The following MGMT variants were observed in gnomAD, a reference collection of about 807,000 sequenced individuals.
The protein encoded by MGMT is O-6-methylguanine-DNA methyltransferase.
Under a neutral mutation model 15.9 loss-of-function variants are expected in MGMT, and 14 were observed. The ratio of observed to expected loss-of-function variants is 0.88; its 90% CI spans 0.58 to 1.37. The LOEUF (loss-of-function observed/expected upper bound fraction) is 1.37. Ranked by LOEUF, MGMT falls within the 40% of genes most tolerant of loss-of-function variation. The pLI is 0.00. For missense variants in MGMT, 282 were observed against 268.1 expected (o/e 1.05, Z -0.36); for synonymous variants, 130 against 118.2 (o/e 1.10, Z -0.65).
intron 1 of MGMT, among the ~76,000 whole-genome samples, chr10:129,469,865 C>T (rs2119609218): frequency 6.6e-6 from 1 of 152,172 alleles, no homozygotes; most frequent in Non-Finnish European, 1.5e-5. Flanking sequence ...CGCCACCATA[C>T]CTGGCTAATT....
At chr10:129,757,524 T>C (rs1848821260) in intron 3 of MGMT, among the ~76,000 whole-genome samples, 1 of 152,250 alleles carries the variant, frequency 6.6e-6, no homozygotes, top group African/African-American at 2.4e-5. Context: ...GAAATTGGCC[T>C]CTGCTTCTTG....
chr10:129,588,394 C>G (rs1271825663), intron 2 of MGMT, among the ~76,000 whole-genome samples: 1 of 152,226 alleles, frequency 6.6e-6, no homozygotes, highest in Non-Finnish European at 1.5e-5. Flanking sequence ...ATTTGTTATG[C>G]AGCAGTAAGA....
rs1415379626 is a variant in MGMT at position 129,532,408 on chromosome 10, G to T, written c.-12-3833G>T. Among the ~76,000 whole-genome samples the T allele has an allele frequency of 6.6e-6, 1 of 152,196 alleles. No homozygotes were observed. ...GCATTCCCAACCGCTGGCCTCCCAA[G>T]TTTGGCTTCTTGTGGTCAGGGCCCA... On this transcript the variant is annotated intron_variant, in intron 1 of 4. Coordinates refer to ENST00000651593, the MANE Select transcript of MGMT (RefSeq NM_002412.5). The surrounding 1 kb of genome is among the most constrained non-coding windows in gnomAD (Gnocchi z 5.3).
chr10:129,624,805 G>A (rs1443428944), intron 2 of MGMT, among the ~76,000 whole-genome samples: 1 of 152,192 alleles, frequency 6.6e-6, no homozygotes, highest in Admixed American at 6.5e-5. Flanking sequence ...GACTAAGGCG[G>A]CACACCTTAA....
chr10:129,667,091 T>G lies in MGMT; in HGVS notation c.126-40804T>G, dbSNP rs1009937255. Among the ~76,000 whole-genome samples, 3 of 152,218 alleles carry G rather than the reference T, an allele frequency of 2.0e-5. No homozygotes were observed. The South Asian group carries it at 6.2e-4, about 32-fold the overall frequency. On this transcript the variant is annotated intron_variant, in intron 2 of 4. Coordinates refer to ENST00000651593, the MANE Select transcript of MGMT (RefSeq NM_002412.5). ...ACCCATTGTTTCTAACCATTTTTGT[T>G]ATAAAGATAATACACACAGAGAGAA...
rs970702001 is a variant in MGMT, at chr10:129,498,010, G to A, written c.-13+30714G>A. 2.0e-5 allele frequency among the ~76,000 whole-genome samples: 3 copies of A among 152,362 alleles called. No homozygotes were observed. In the South Asian group the frequency reaches 6.2e-4, roughly 32 times the overall value. On this transcript the variant is annotated intron_variant, in intron 1 of 4. Coordinates refer to ENST00000651593, the MANE Select transcript of MGMT (RefSeq NM_002412.5). ...TCCAGCAACCAGAAGGAACTAAGAC[G>A]TCTAACTTGTGACAGTTCCTCTTGC...
intron 2 of MGMT, among the ~76,000 whole-genome samples, chr10:129,636,343 T>A (rs1320462647): frequency 1.3e-5 from 2 of 152,098 alleles, no homozygotes; most frequent in Non-Finnish European, 2.9e-5. Flanking sequence ...AGCACAGAGG[T>A]TAGTATTCAG....
At chr10:129,537,931 C>A (rs1042976781) in intron 2 of MGMT, among the ~76,000 whole-genome samples, 1 of 152,098 alleles carries the variant, frequency 6.6e-6, no homozygotes, top group African/African-American at 2.4e-5. Context: ...TGCTTCAAGA[C>A]AGCTCCTGGG....
chr10:129,660,972 C>G (rs148330891), intron 2 of MGMT, among the ~76,000 whole-genome samples: 1 of 152,246 alleles, frequency 6.6e-6, no homozygotes, highest in East Asian at 1.9e-4. Context: ...GCCGTAAAAT[C>G]CTCTTTCCAG....
At chr10:129,759,382 G>A (rs2308323) in intron 4 of MGMT, 41 bp downstream of exon 4, 3 of 1,612,926 alleles carry the variant, frequency 1.9e-6, no homozygotes, top group Non-Finnish European at 2.5e-6. Flanking sequence ...GGTGGCGGGT[G>A]CGTGCAGGTG....
rs371870612 is a variant in MGMT, at chr10:129,517,800, A to G, written c.-12-18441A>G. On this transcript the variant is annotated intron_variant, in intron 1 of 4. Transcript: ENST00000651593. Reference sequence around the variant, plus strand: ...CAAACCCTCACTGTGACCCCACGGGAAAGCATATTCCCAAATGTAACTGCG... The same window carrying G: ...CAAACCCTCACTGTGACCCCACGGGGAAGCATATTCCCAAATGTAACTGCG... 6.6e-5 allele frequency among the ~76,000 whole-genome samples: 10 copies of G among 150,452 alleles called. No individual in the cohort carries two copies. In the East Asian group the frequency reaches 1.2e-3, roughly 18 times the overall value.
At chr10:129,604,280 A>G (rs1428980561) in intron 2 of MGMT, among the ~76,000 whole-genome samples, 1 of 152,208 alleles carries the variant, frequency 6.6e-6, no homozygotes, top group Middle Eastern at 3.2e-3. Context: ...ATTGTAGTTT[A>G]CATTTCCCAA....
intron 2 of MGMT, among the ~76,000 whole-genome samples, chr10:129,554,076 C>T (rs112778264): frequency 0.045 from 6,906 of 152,270 alleles, 219 homozygotes; most frequent in Middle Eastern, 0.078. Flanking sequence ...TGAAAGGTGG[C>T]GTGCTGCCAA....
rs570377384 is a variant in MGMT at position 129,473,207 on chromosome 10, G to A, written c.-13+5911G>A. Among the ~76,000 whole-genome samples the A allele has an allele frequency of 4.0e-4, 61 of 152,350 alleles. 1 individual carries two copies. Among genetic ancestry groups the A allele is most frequent in the African/African-American group, 1.3e-3 (56 of 41,586 alleles). ...CAGTATTTTCCCATGTGTGACGGCC[G>A]TTTAGATCACAGCAGTGAGGGGTAA... On this transcript the variant is annotated intron_variant, in intron 1 of 4. Transcript: ENST00000651593.
At chr10:129,527,127 G>C (rs2119739455) in intron 1 of MGMT, among the ~76,000 whole-genome samples, 1 of 152,374 alleles carries the variant, frequency 6.6e-6, no homozygotes, top group East Asian at 1.9e-4. Flanking sequence ...CCCGACTGTT[G>C]AATCGCCTGG....
intron 2 of MGMT, among the ~76,000 whole-genome samples, chr10:129,688,135 G>C (rs1286089247): frequency 1.3e-5 from 2 of 152,162 alleles, no homozygotes; most frequent in Non-Finnish European, 2.9e-5. Context: ...ATTGTGAATA[G>C]TGCCACAGTA....
Position 129,707,895 on chromosome 10 carries a change from T to C in MGMT, c.126T>C (p.Asp42=). The C allele has an allele frequency of 6.2e-7, 1 of 1,610,958 alleles. No individual in the cohort carries two copies. The highest frequency in any genetic ancestry group is 8.5e-7 in the Non-Finnish European group (1 of 1,179,952). Reference sequence around the variant, plus strand: ...TAAGCCCCTGTTCTCACTTTTGCAGTGCCGTGGAGGTCCCAGCCCCCGCTG... The same window carrying C: ...TAAGCCCCTGTTCTCACTTTTGCAGCGCCGTGGAGGTCCCAGCCCCCGCTG... ...KLLGKGTSAA[D]AVEVPAPAAV... The change falls in exon 3 of 5, where the codon GAT becomes GAC. Residue 42 remains aspartate, a splice_region_variant and synonymous_variant. Transcript: ENST00000651593.
Position 129,659,079 on chromosome 10 carries a change from G to A in MGMT, c.126-48816G>A, listed in dbSNP as rs182407420. Among the ~76,000 whole-genome samples the A allele has an allele frequency of 1.8e-4, 27 of 152,208 alleles. No individual in the cohort carries two copies. In the East Asian group the frequency reaches 2.7e-3, roughly 15 times the overall value. On this transcript the variant is annotated intron_variant, in intron 2 of 4. Coordinates refer to ENST00000651593, the MANE Select transcript of MGMT (RefSeq NM_002412.5). The surrounding 1 kb of genome is among the most constrained non-coding windows in gnomAD (Gnocchi z 4.1). ...GTTGTTTCAGAAGATACTCAAGGCC[G>A]GGTGCAGTGGCTCACACCTGTAATC...
chr10:129,479,468 G>C (rs941966617), intron 1 of MGMT, among the ~76,000 whole-genome samples: 2 of 151,830 alleles, frequency 1.3e-5, no homozygotes, highest in African/African-American at 4.8e-5. Flanking sequence ...ATACTGACTT[G>C]CTGTGCCAAA....
Sources: gnomAD v4.1 joint callset for allele counts (sites outside exome capture counted in the v4.1 genomes callset) on GRCh38, gnomAD v4.1.1 for gene constraint, Gnocchi (gnomAD v3.1) non-coding constraint, MANE v1.5 for transcripts, NCBI Gene and HGNC (gene_info 2026-07-23, HGNC 2026-07-21) for gene names.